Variants in SHANK2 observed in about 807,000 individuals in gnomAD.
The protein encoded by SHANK2 is SH3 and multiple ankyrin repeat domains protein 2.
SHANK2 carries 43 observed loss-of-function variants against 133.7 expected under a neutral mutation model. The ratio of observed to expected loss-of-function variants is 0.32; its 90% CI spans 0.25 to 0.41. The LOEUF is 0.41. SHANK2 is among the 10% of genes least tolerant of loss of function. The pLI is 1.00. For synonymous variants in SHANK2, 1,017 were observed against 952.8 expected, an observed-to-expected ratio of 1.07 and a Z score of -1.24; for missense variants, 1,994 against 2,235.8, an observed-to-expected ratio of 0.89 and a Z score of 2.18.
At chr11:70,893,691 C>T (rs1478479506) in intron 11 of SHANK2, among the ~76,000 whole-genome samples, 6 of 152,134 alleles carry the variant, frequency 3.9e-5, no homozygotes, top group African/African-American at 7.2e-5. Flanking sequence ...CACAAGGAAC[C>T]GCATGGGCAA....
intron 15 of SHANK2, among the ~76,000 whole-genome samples, chr11:70,692,143 T>C (rs1035625740): frequency 6.6e-6 from 1 of 152,080 alleles, no homozygotes; most frequent in Non-Finnish European, 1.5e-5. Context: ...AGAAAAAATA[T>C]ATAAAAATAC....
intron 1 of SHANK2, among the ~76,000 whole-genome samples, chr11:71,241,427 G>A (rs1954890827): frequency 6.6e-6 from 1 of 152,120 alleles, no homozygotes; most frequent in Admixed American, 6.5e-5. Flanking sequence ...GGCGACCCAA[G>A]GCCCCATGGG....
chr11:70,815,309 G>A (rs1948369070), intron 12 of SHANK2, among the ~76,000 whole-genome samples: 1 of 151,934 alleles, frequency 6.6e-6, no homozygotes, highest in Non-Finnish European at 1.5e-5. Context: ...AGGTAGGCAG[G>A]AGAGACTGTG....
intron 5 of SHANK2, among the ~76,000 whole-genome samples, chr11:71,113,088 C>T (rs1951916259): frequency 6.6e-6 from 1 of 152,170 alleles, no homozygotes; most frequent in Admixed American, 6.5e-5. Context: ...CACGGCCACA[C>T]TAAGCAGCCC....
chr11:70,755,780 G>C (rs576855791), intron 14 of SHANK2, among the ~76,000 whole-genome samples: 1 of 152,238 alleles, frequency 6.6e-6, no homozygotes, highest in East Asian at 1.9e-4. Flanking sequence ...GGAAGACACC[G>C]CGCCAGCAGA....
At chr11:71,145,484 C>T (rs143725395) in intron 3 of SHANK2, among the ~76,000 whole-genome samples, 5 of 152,302 alleles carry the variant, frequency 3.3e-5, no homozygotes, top group African/African-American at 9.6e-5. Flanking sequence ...CGTGTCAGCA[C>T]GTTAGTCCCC....
In SHANK2 at chr11:71,118,834, G is replaced by A. The variant is rs1555100873; in HGVS notation, c.406C>T (p.Leu136=). The change falls in exon 4 of 26, where the codon CTG becomes TTG. Residue 136 remains leucine (L), a synonymous_variant. Coordinates refer to ENST00000601538, the MANE Select transcript of SHANK2 (RefSeq NM_012309.5). ...CACTGTGGGCTGAAATATACCTCCAGGGAAGGAACGCCCTCACCCACGGGC... is the reference window on the plus strand; with the variant it reads ...CACTGTGGGCTGAAATATACCTCCAAGGAAGGAACGCCCTCACCCACGGGC... ...PQPVGEGVPS[L]EFRYKKRVYK... The A allele has an allele frequency of 6.5e-7, 1 of 1,547,428 alleles. No homozygotes were observed. The highest frequency in any genetic ancestry group is 1.4e-5 in the African/African-American group (1 of 73,138).
intron 15 of SHANK2, among the ~76,000 whole-genome samples, chr11:70,696,019 A>G (rs909447143): frequency 1.3e-5 from 2 of 152,226 alleles, no homozygotes; most frequent in African/African-American, 4.8e-5. Flanking sequence ...CTGGCAGAAC[A>G]GGTGTTCAGT....
chr11:71,237,246 T>G (rs895791445), intron 1 of SHANK2, among the ~76,000 whole-genome samples: 1 of 152,164 alleles, frequency 6.6e-6, no homozygotes, highest in Admixed American at 6.5e-5. Context: ...TGAGCCCGGC[T>G]GTAGTGGGCA....
intron 25 of SHANK2, among the ~76,000 whole-genome samples, chr11:70,476,831 G>A (rs1352182397): frequency 6.6e-6 from 1 of 152,222 alleles, no homozygotes; most frequent in Non-Finnish European, 1.5e-5. Flanking sequence ...CATGACTGGT[G>A]CCTGGCCTTG....
At position 70,487,069 on chromosome 11, in the gene SHANK2, C is replaced by T. The variant is rs146954072; in HGVS notation, c.3224G>A (p.Ser1075Asn). The change falls in exon 25 of 26, where the codon AGC becomes AAC. Residue 1075 changes from serine (S) to asparagine (N), a missense_variant. Transcript: ENST00000601538. This position sits in a 1 kb window ranked among gnomAD's most constrained non-coding sequence, Gnocchi z 5.8. The part of the protein sequence containing the change: ...QLRPDESLTV[S>N]SPFAAAIAGA... ...GGCGATGGCGGCGGCAAAGGGGCTGCTGACGGTCAGGCTTTCGTCAGGCCG... is the reference window on the plus strand; with the variant it reads ...GGCGATGGCGGCGGCAAAGGGGCTGTTGACGGTCAGGCTTTCGTCAGGCCG... 3.7e-6 allele frequency: 6 copies of T among 1,609,424 alleles called. No homozygotes were observed. The African/African-American group carries it at 8.0e-5, about 21-fold the overall frequency.
At chr11:70,607,747 A>G (rs1450345312) in intron 17 of SHANK2, among the ~76,000 whole-genome samples, 1 of 152,238 alleles carries the variant, frequency 6.6e-6, no homozygotes, top group Non-Finnish European at 1.5e-5. Flanking sequence ...GGCAGTGGCC[A>G]GCTCTGCTCT....
intron 17 of SHANK2, among the ~76,000 whole-genome samples, chr11:70,600,891 A>C (rs1405902177): frequency 6.6e-6 from 1 of 152,226 alleles, no homozygotes; most frequent in Non-Finnish European, 1.5e-5. Flanking sequence ...GGGAGAAGAT[A>C]ATTTCTTAAA....
At chr11:70,523,606 A>G (rs1316879711) in intron 17 of SHANK2, among the ~76,000 whole-genome samples, 2 of 152,014 alleles carry the variant, frequency 1.3e-5, no homozygotes, top group African/African-American at 2.4e-5. Flanking sequence ...GGCTTTGTCT[A>G]TGGTCCTGCC....
intron 17 of SHANK2, among the ~76,000 whole-genome samples, chr11:70,609,709 A>G (rs4400834): frequency 1.1e-5 from 1 of 88,706 alleles, no homozygotes; most frequent in East Asian, 3.1e-4. Context: ...GTATATTCAT[A>G]TACTATATTG....
rs1220985780 is a variant in SHANK2, at chr11:70,603,052, C to T, written c.2061+56776G>A. 5.1e-4 allele frequency among the ~76,000 whole-genome samples: 78 copies of T among 152,218 alleles called. 2 individuals carry two copies. The highest frequency in any genetic ancestry group is 2.1e-4 in the South Asian group (1 of 4,836). On this transcript the variant is annotated intron_variant, in intron 17 of 25. Coordinates refer to ENST00000601538, the MANE Select transcript of SHANK2 (RefSeq NM_012309.5). ...TACAGAAAGCTGGAAAACAGGTAAA[C>T]GTTAGCTTTGTTTAGTGATATCAAC...
At chr11:71,105,808 G>A (rs1326239292) in intron 6 of SHANK2, among the ~76,000 whole-genome samples, 5 of 151,962 alleles carry the variant, frequency 3.3e-5, no homozygotes, top group African/African-American at 9.7e-5. Flanking sequence ...AACTCCAGGC[G>A]TAAACCCTCA....
intron 13 of SHANK2, among the ~76,000 whole-genome samples, chr11:70,802,483 C>A (rs927960990): frequency 1.3e-5 from 2 of 152,180 alleles, no homozygotes; most frequent in African/African-American, 4.8e-5. Flanking sequence ...CAGGTCACTG[C>A]GGAGGAGGGA....
chr11:70,639,014 A>C (rs1383703247), intron 17 of SHANK2, among the ~76,000 whole-genome samples: 1 of 136,598 alleles, frequency 7.3e-6, no homozygotes, highest in Non-Finnish European at 1.7e-5. Flanking sequence ...ACAAAAAAAC[A>C]AAAAAAAAAC....
Sources: gnomAD v4.1 joint callset for allele counts (sites outside exome capture counted in the v4.1 genomes callset) on GRCh38, gnomAD v4.1.1 for gene constraint, Gnocchi (gnomAD v3.1) non-coding constraint, MANE v1.5 for transcripts, NCBI Gene and HGNC (gene_info 2026-07-23, HGNC 2026-07-21) for gene names.